Variants in GLYATL2 observed in about 807,000 individuals in gnomAD.
GLYATL2 encodes glycine-N-acyltransferase like 2, also known as glycine N-acyltransferase-like protein 2.
GLYATL2 carries 25 observed loss-of-function variants against 21.4 expected under a neutral mutation model. The ratio of observed to expected loss-of-function variants is 1.17; its 90% CI spans 0.85 to 1.63. The LOEUF is 1.63. Among genes scored for constraint, GLYATL2 ranks in the 40% most tolerant of loss-of-function variants. The pLI, the probability that GLYATL2 is intolerant of heterozygous loss-of-function variation, is 0.00. For synonymous variants in GLYATL2, 114 were observed against 118.2 expected (o/e 0.96, Z 0.23); for missense variants, 361 against 343.3 (o/e 1.05, Z -0.41).
chr11:58,837,205 C>T (rs1391506927), intron 4 of GLYATL2, 28 bp from the exon 5 acceptor site: 1 of 1,612,832 alleles, frequency 6.2e-7, no homozygotes, highest in East Asian at 2.2e-5. Context: ...ACAAGTACCA[C>T]TTTATGCCTT....
At chr11:58,850,231 T>C (rs911750413) in intron 1 of GLYATL2, among the ~76,000 whole-genome samples, 2 of 152,146 alleles carry the variant, frequency 1.3e-5, no homozygotes, top group Non-Finnish European at 2.9e-5. Context: ...CTGTCATATA[T>C]AGCTTTTAAC....
At chr11:58,895,219 A>G (rs1854613401) in intron 1 of GLYATL2, among the ~76,000 whole-genome samples, 1 of 152,240 alleles carries the variant, frequency 6.6e-6, no homozygotes, top group South Asian at 2.1e-4. Context: ...TAGAAAAACA[A>G]CAAGAAAGCG....
chr11:58,872,002 T>A (rs1355813269), intron 1 of GLYATL2, among the ~76,000 whole-genome samples: 1 of 152,224 alleles, frequency 6.6e-6, no homozygotes, highest in African/African-American at 2.4e-5. Flanking sequence ...GGTATCTCAT[T>A]GTGGTTTTGA....
upstream of GLYATL2, among the ~76,000 whole-genome samples, chr11:58,907,051 A>G (rs1854909351): frequency 6.6e-6 from 1 of 152,222 alleles, no homozygotes; most frequent in Non-Finnish European, 1.5e-5. Flanking sequence ...AAATGAGGAA[A>G]TGGGGATCCC....
At chr11:58,902,827 C>A (rs1854763039) in intron 1 of GLYATL2, among the ~76,000 whole-genome samples, 1 of 152,222 alleles carries the variant, frequency 6.6e-6, no homozygotes. Context: ...GGATGCTGGA[C>A]AACTTCCACA....
intron 2 of GLYATL2, among the ~76,000 whole-genome samples, chr11:58,838,970 C>A (rs1039906463): frequency 6.6e-6 from 1 of 151,882 alleles, no homozygotes; most frequent in East Asian, 1.9e-4. Flanking sequence ...AGAATGAGAG[C>A]AAGTTATTAC....
intron 3 of GLYATL2, 55 bp downstream of exon 3, chr11:58,838,206 T>C (rs1853474384): frequency 4.3e-6 from 5 of 1,151,380 alleles, no homozygotes; most frequent in South Asian, 1.3e-5. Flanking sequence ...CTCATTGCCA[T>C]GCAGAGAACG....
intron 1 of GLYATL2, among the ~76,000 whole-genome samples, chr11:58,841,038 G>A (rs898369014): frequency 7.9e-5 from 12 of 151,708 alleles, no homozygotes; most frequent in African/African-American, 2.4e-4. Context: ...CCATATACAC[G>A]GCTGACAATA....
At chr11:58,835,816 C>T (rs1853420894) in intron 5 of GLYATL2, among the ~76,000 whole-genome samples, 1 of 152,132 alleles carries the variant, frequency 6.6e-6, no homozygotes, top group South Asian at 2.1e-4. Context: ...GCAGGTATTT[C>T]ATGCCAGATT....
chr11:58,883,508 C>A (rs774038418), intron 1 of GLYATL2, among the ~76,000 whole-genome samples: 1 of 152,132 alleles, frequency 6.6e-6, no homozygotes, highest in African/African-American at 2.4e-5. Flanking sequence ...CCTCCCAAGA[C>A]TAAACCAAGA....
chr11:58,887,810 T>C (rs1339579977), intron 1 of GLYATL2, among the ~76,000 whole-genome samples: 1 of 152,226 alleles, frequency 6.6e-6, no homozygotes, highest in African/African-American at 2.4e-5. Context: ...CATCCTTGTA[T>C]ACATGTCTTT....
chr11:58,872,231 G>C (rs1854135809), intron 1 of GLYATL2, among the ~76,000 whole-genome samples: 1 of 152,078 alleles, frequency 6.6e-6, no homozygotes, highest in Admixed American at 6.6e-5. Flanking sequence ...CCATTCTGTA[G>C]GTTGCCTGTT....
intron 1 of GLYATL2, among the ~76,000 whole-genome samples, chr11:58,882,699 G>T (rs1245210987): frequency 5.3e-5 from 8 of 152,142 alleles, no homozygotes; most frequent in Admixed American, 2.6e-4. Context: ...TTCTTCTAGG[G>T]TTTTTATGGG....
chr11:58,880,838 C>T (rs371931456), intron 1 of GLYATL2, among the ~76,000 whole-genome samples: 3 of 152,320 alleles, frequency 2.0e-5, no homozygotes, highest in Non-Finnish European at 2.9e-5. Flanking sequence ...AGCTACAGAA[C>T]GTAGTTTAAC....
rs754224500 is a variant in GLYATL2, at chr11:58,837,359, G to T, written c.225C>A (p.Tyr75Ter). 1 of 1,613,316 alleles carries T rather than the reference G, an allele frequency of 6.2e-7. No individual in the cohort carries two copies. Among genetic ancestry groups the T allele is most frequent in the Non-Finnish European group, 8.5e-7 (1 of 1,179,286 alleles). Reference sequence around the variant, plus strand: ...TGTCAGGAGCTTTGGTGAAGATGTGGTAAGTGTTGGTATAATGATCCTGGT... The same window carrying T: ...TGTCAGGAGCTTTGGTGAAGATGTGTTAAGTGTTGGTATAATGATCCTGGT... ...KDDQDHYTNT[Y>*]HIFTKAPDKL... The change falls in exon 4 of 6, where the codon TAC becomes TAA. Residue 75 changes from tyrosine (Y) to a stop codon, truncating the protein, a stop_gained. Coordinates refer to ENST00000287275, the MANE Select transcript of GLYATL2 (RefSeq NM_145016.4). LOFTEE classifies it high-confidence loss of function.
intron 1 of GLYATL2, among the ~76,000 whole-genome samples, chr11:58,864,456 C>G (rs997905201): frequency 6.7e-6 from 1 of 149,188 alleles, no homozygotes; most frequent in Non-Finnish European, 1.5e-5. Flanking sequence ...AGGTACCAGC[C>G]TGGAGTGTGG....
At chr11:58,880,563 T>G (rs11229676) in intron 1 of GLYATL2, among the ~76,000 whole-genome samples, 1 of 151,800 alleles carries the variant, frequency 6.6e-6, no homozygotes. Flanking sequence ...GAGAAGACAA[T>G]AGTAAAACAC....
chr11:58,866,905 G>A (rs2134599412), intron 1 of GLYATL2, among the ~76,000 whole-genome samples: 1 of 149,534 alleles, frequency 6.7e-6, no homozygotes, highest in African/African-American at 2.4e-5. Flanking sequence ...GTTTTCAGAT[G>A]TTATGGATAG....
At chr11:58,871,999 C>T (rs2134603563) in intron 1 of GLYATL2, among the ~76,000 whole-genome samples, 1 of 152,286 alleles carries the variant, frequency 6.6e-6, no homozygotes, top group African/African-American at 2.4e-5. Flanking sequence ...AATGGTATCT[C>T]ATTGTGGTTT....
Sources: gnomAD v4.1 joint callset for allele counts (sites outside exome capture counted in the v4.1 genomes callset) on GRCh38, gnomAD v4.1.1 for gene constraint, MANE v1.5 for transcripts, NCBI Gene and HGNC (gene_info 2026-07-23, HGNC 2026-07-21) for gene names.